Variants in MTOR observed in about 807,000 individuals in gnomAD.
MTOR encodes the protein serine/threonine-protein kinase mTOR.
MTOR carries 70 observed loss-of-function variants against 319.8 expected under a neutral mutation model. That is an observed-to-expected ratio of 0.22 (90% confidence interval 0.18 to 0.27). MTOR has a LOEUF of 0.27. Ranked by LOEUF, MTOR falls within the 10% of genes least tolerant of loss-of-function variation. The pLI, the probability that MTOR is intolerant of heterozygous loss-of-function variation, is 1.00. For synonymous variants in MTOR, 1,183 were observed against 1,211.4 expected, an observed-to-expected ratio of 0.98 and a Z score of 0.49; for missense variants, 1,890 against 3,274.4, an observed-to-expected ratio of 0.58 and a Z score of 10.32.
rs554539376 is a variant in MTOR, at chr1:11,121,574, A to G, written c.6811-206T>C. Among the ~76,000 whole-genome samples the G allele has an allele frequency of 2.6e-5, 4 of 152,326 alleles. No homozygotes were observed. In the East Asian group the frequency reaches 7.7e-4, roughly 29 times the overall value. On this transcript the variant is annotated intron_variant, in intron 48 of 57. Coordinates refer to ENST00000361445, the MANE Select transcript of MTOR (RefSeq NM_004958.4). The surrounding 1 kb of genome is among the most constrained non-coding windows in gnomAD (Gnocchi z 4.9). Reference sequence around the variant, plus strand: ...CCACTGGAACCCCAAGGCATAAGGGAAAAACACGAGACTTCACCTCAGTTA... The same window carrying G: ...CCACTGGAACCCCAAGGCATAAGGGGAAAACACGAGACTTCACCTCAGTTA...
chr1:11,157,047 G>A, intron 30 of MTOR, 105 bp downstream of exon 30: 1 of 1,392,606 alleles, frequency 7.2e-7, no homozygotes, highest in Non-Finnish European at 9.7e-7. Context: ...AACAAAATGA[G>A]TCTGAAGTGA....
chr1:11,137,903 T>C (rs557123477), intron 36 of MTOR, among the ~76,000 whole-genome samples: 11 of 152,318 alleles, frequency 7.2e-5, no homozygotes, highest in Admixed American at 5.9e-4. Flanking sequence ...GCTCAGTGAG[T>C]GTCTTGCTCA....
intron 3 of MTOR, 29 bp from the exon 4 acceptor site, chr1:11,257,194 T>A: frequency 6.3e-7 from 1 of 1,578,560 alleles, no homozygotes; most frequent in Middle Eastern, 1.7e-4. Context: ...CAAAAGGTGA[T>A]GATGGGGCGT....
At chr1:11,228,251 C>T (rs1646909880) in intron 19 of MTOR, among the ~76,000 whole-genome samples, 1 of 151,802 alleles carries the variant, frequency 6.6e-6, no homozygotes, top group Non-Finnish European at 1.5e-5. Flanking sequence ...CACGGTGGCT[C>T]GATCTCAGCT....
chr1:11,142,599 G>A (rs564883678), intron 34 of MTOR, among the ~76,000 whole-genome samples: 4 of 152,234 alleles, frequency 2.6e-5, no homozygotes, highest in African/African-American at 9.6e-5. Context: ...GCCTGGCCAA[G>A]TGAACTCCTT....
intron 29 of MTOR, among the ~76,000 whole-genome samples, chr1:11,160,415 T>A (rs1644442776): frequency 6.6e-6 from 1 of 152,200 alleles, no homozygotes; most frequent in Admixed American, 6.5e-5. Context: ...GCATATATTT[T>A]CTAAAGAACT....
At chr1:11,125,071 C>G (rs1225929760) in intron 46 of MTOR, among the ~76,000 whole-genome samples, 2 of 151,670 alleles carry the variant, frequency 1.3e-5, no homozygotes, top group Non-Finnish European at 2.9e-5. Context: ...AGCCTGGCCC[C>G]AGTTCTAGAA....
At chr1:11,235,106 G>C (rs996044055) in intron 13 of MTOR, among the ~76,000 whole-genome samples, 4 of 152,148 alleles carry the variant, frequency 2.6e-5, no homozygotes, top group Non-Finnish European at 4.4e-5. Context: ...AGTCATAGCA[G>C]ACCACAGGGA....
chr1:11,152,130 T>G (rs1181698663), intron 30 of MTOR, among the ~76,000 whole-genome samples: 1 of 152,162 alleles, frequency 6.6e-6, no homozygotes, highest in East Asian at 1.9e-4. Context: ...CACAAACATT[T>G]GTTACAAAAA....
At chr1:11,122,198 C>T (rs2100365127) in intron 47 of MTOR, 72 bp from the exon 48 acceptor site, 4 of 1,536,454 alleles carry the variant, frequency 2.6e-6, no homozygotes, top group East Asian at 2.3e-5. Flanking sequence ...AGAACACAGG[C>T]AGACTGTTTT....
chr1:11,159,166 C>G (rs1046977449), intron 29 of MTOR, among the ~76,000 whole-genome samples: 2 of 152,144 alleles, frequency 1.3e-5, no homozygotes, highest in African/African-American at 4.8e-5. Flanking sequence ...TCAGCACTTT[C>G]TGGGATCTAA....
chr1:11,131,376 C>G (rs1643150056), intron 38 of MTOR: 1 of 156,042 alleles, frequency 6.4e-6, no homozygotes, highest in Admixed American at 6.2e-5. Context: ...AGGGCTGGCA[C>G]TTTCACCCAG....
At chr1:11,179,958 C>G (rs1401959860) in intron 28 of MTOR, among the ~76,000 whole-genome samples, 3 of 152,168 alleles carry the variant, frequency 2.0e-5, no homozygotes, top group Non-Finnish European at 2.9e-5. Context: ...GTTGCCCACG[C>G]TGGAGTGCAG....
intron 30 of MTOR, among the ~76,000 whole-genome samples, chr1:11,153,125 A>C (rs889166369): frequency 3.9e-5 from 6 of 152,198 alleles, no homozygotes; most frequent in African/African-American, 1.2e-4. Flanking sequence ...AATGTATCCA[A>C]TCTGCTCCTA....
Position 11,128,167 on chromosome 1 carries a change from G to C in MTOR, c.5911-41C>G, listed in dbSNP as rs780942352. 1.2e-6 allele frequency: 2 copies of C among 1,610,214 alleles called. No homozygotes were observed. Among genetic ancestry groups the C allele is most frequent in the East Asian group, 4.5e-5 (2 of 44,872 alleles). ...AAGAAACATCTATAAAGGAAATGTG[G>C]GTTGGGGAAGAGCTGGTATGAATTT... On this transcript the variant is annotated intron_variant, in intron 42 of 57. Coordinates refer to ENST00000361445, the MANE Select transcript of MTOR (RefSeq NM_004958.4). This position sits in a 1 kb window ranked among gnomAD's most constrained non-coding sequence, Gnocchi z 5.3.
At chr1:11,112,815 G>A (rs770060844) in intron 54 of MTOR, 37 bp downstream of exon 54, 3 of 1,608,298 alleles carry the variant, frequency 1.9e-6, no homozygotes, top group Admixed American at 3.3e-5. Context: ...TCTGCACAAG[G>A]GGGAGAGCCT....
chr1:11,196,957 G>A (rs746302351), intron 28 of MTOR, among the ~76,000 whole-genome samples: 18 of 152,250 alleles, frequency 1.2e-4, no homozygotes, highest in Non-Finnish European at 1.9e-4. Flanking sequence ...TGACTCAAAT[G>A]TATATACTAA....
rs778203488 is a variant in MTOR, at chr1:11,210,800, GA to G, written c.3654+13del. On this transcript the variant is annotated intron_variant, in intron 24 of 57. Transcript: ENST00000361445. The stretch of plus-strand genomic sequence containing the variant: ...ACAACAGGGACTTCAGAACAGAAAA[GA>G]AGTATAGTTCACCTTGACAATTCTG... 9 of 1,575,760 alleles carry G rather than the reference GA, an allele frequency of 5.7e-6. No individual in the cohort carries two copies. The highest frequency in any genetic ancestry group is 7.8e-6 in the Non-Finnish European group (9 of 1,149,284).
At chr1:11,183,823 A>G (rs1453504328) in intron 28 of MTOR, among the ~76,000 whole-genome samples, 6 of 152,216 alleles carry the variant, frequency 3.9e-5, no homozygotes, top group Non-Finnish European at 7.3e-5. Flanking sequence ...TGAGGGAAAA[A>G]AAAAAATTTT....
Sources: allele counts gnomAD v4.1 joint callset (sites outside exome capture counted in the v4.1 genomes callset), GRCh38; gene constraint gnomAD v4.1.1; non-coding constraint Gnocchi (gnomAD v3.1); transcripts MANE v1.5; gene names NCBI Gene and HGNC (gene_info 2026-07-23, HGNC 2026-07-21).